HMBOX1: variants seen among roughly 807,000 people sequenced by gnomAD.
HMBOX1 encodes homeobox-containing protein 1.
HMBOX1 carries 14 observed loss-of-function variants against 54.5 expected under a neutral mutation model. That is an observed-to-expected ratio of 0.26 (90% CI 0.17 to 0.40). The LOEUF (loss-of-function observed/expected upper bound fraction) is 0.40, where lower values mean the gene tolerates loss of function less well. HMBOX1 is among the 10% of genes least tolerant of loss of function. The pLI is 1.00. For synonymous variants in HMBOX1, 160 were observed against 181.0 expected, an observed-to-expected ratio of 0.88 and a Z score of 0.93; for missense variants, 332 against 514.4, an observed-to-expected ratio of 0.65 and a Z score of 3.43.
At chr8:28,915,760 G>C (rs904416747) in intron 1 of HMBOX1, 1 of 151,816 alleles carries the variant, frequency 6.6e-6, no homozygotes, top group Non-Finnish European at 1.5e-5. Context: ...GGGGGCACCT[G>C]ATCAGCTTTA....
chr8:28,953,521 T>C (rs1363556248), intron 1 of HMBOX1, among the ~76,000 whole-genome samples: 1 of 152,198 alleles, frequency 6.6e-6, no homozygotes, highest in Non-Finnish European at 1.5e-5. Flanking sequence ...TGTAATTAAA[T>C]AGTCATTTTC....
chr8:28,932,920 A>T (rs1465202617), intron 1 of HMBOX1, among the ~76,000 whole-genome samples: 6 of 152,182 alleles, frequency 3.9e-5, no homozygotes, highest in Admixed American at 3.3e-4. Flanking sequence ...AATAAACTAG[A>T]TCATTTTCTT....
chr8:28,945,500 G>A (rs1822268758), intron 1 of HMBOX1, among the ~76,000 whole-genome samples: 1 of 152,210 alleles, frequency 6.6e-6, no homozygotes, highest in East Asian at 1.9e-4. Flanking sequence ...GAAAACCATT[G>A]CATTAGTATA....
Position 29,034,737 on chromosome 8 carries a change from A to T in HMBOX1, c.852-10624A>T, listed in dbSNP as rs994554416. ...CCAGGCATGGTGGTGCATGCCTGTAATCCCAGCTACTTGGGAGGCTGAGGC... is the reference window on the plus strand; with the variant it reads ...CCAGGCATGGTGGTGCATGCCTGTATTCCCAGCTACTTGGGAGGCTGAGGC... On this transcript the variant is annotated intron_variant, in intron 6 of 9. Transcript: ENST00000287701. Among the ~76,000 whole-genome samples, 3 of 152,140 alleles carry T rather than the reference A, an allele frequency of 2.0e-5. No individual in the cohort carries two copies. The East Asian group carries it at 5.8e-4, about 29-fold the overall frequency.
intron 1 of HMBOX1, among the ~76,000 whole-genome samples, chr8:28,913,213 T>C (rs1815808448): frequency 1.3e-5 from 2 of 152,208 alleles, no homozygotes; most frequent in African/African-American, 4.8e-5. Context: ...TCCTTAAGTC[T>C]TTTTAAACCC....
rs912738358 is a variant in HMBOX1 at position 29,049,121 on chromosome 8, G to T, written c.1125+73G>T. The stretch of plus-strand genomic sequence containing the variant: ...GTATAGTGGGACAGCTTAGTTCCTT[G>T]GGTGTGGCTGATGGGGTGGGGGAGG... On this transcript the variant is annotated intron_variant, in intron 9 of 9. Coordinates refer to ENST00000287701, the MANE Select transcript of HMBOX1 (RefSeq NM_001135726.3). 4 of 1,507,972 alleles carry T rather than the reference G, an allele frequency of 2.7e-6. No individual in the cohort carries two copies. In the East Asian group the frequency reaches 9.1e-5, roughly 34 times the overall value. 93.4% of individuals were successfully genotyped at this position (1,507,972 alleles called of 1,614,324 possible). A position where few individuals can be genotyped will look rare whatever the true frequency, so the allele number is the denominator to read the frequency against.
At chr8:28,992,221 T>G (rs906357007) in intron 4 of HMBOX1, among the ~76,000 whole-genome samples, 2 of 152,338 alleles carry the variant, frequency 1.3e-5, no homozygotes, top group Admixed American at 1.3e-4. Context: ...TAACCCTCAG[T>G]TTCTCCTCTT....
chr8:28,980,334 T>C (rs1272855949), intron 4 of HMBOX1, among the ~76,000 whole-genome samples, 178 bp downstream of exon 4: 1 of 152,206 alleles, frequency 6.6e-6, no homozygotes, highest in African/African-American at 2.4e-5. Flanking sequence ...TCTCTAGTGA[T>C]TTTTTTGACT....
chr8:28,952,248 A>G (rs1178688120), intron 1 of HMBOX1, among the ~76,000 whole-genome samples: 1 of 151,668 alleles, frequency 6.6e-6, no homozygotes, highest in Non-Finnish European at 1.5e-5. Context: ...ATTTAGTTGT[A>G]TTTTTGAGGC....
At chr8:29,001,458 G>A (rs1427506431) in intron 4 of HMBOX1, among the ~76,000 whole-genome samples, 1 of 152,160 alleles carries the variant, frequency 6.6e-6, no homozygotes, top group East Asian at 1.9e-4. Context: ...ACTGAGGCAG[G>A]AGAATTACTT....
chr8:29,014,160 A>G (rs1161012042), intron 5 of HMBOX1, among the ~76,000 whole-genome samples: 3 of 152,018 alleles, frequency 2.0e-5, no homozygotes, highest in Admixed American at 1.3e-4. Flanking sequence ...CCAAATTTTT[A>G]TATGTCTTAA....
Position 28,903,985 on chromosome 8 carries a change from A to G in HMBOX1, c.-58+13307A>G, listed in dbSNP as rs533064328. On this transcript the variant is annotated intron_variant, in intron 1 of 9. Coordinates refer to ENST00000287701, the MANE Select transcript of HMBOX1 (RefSeq NM_001135726.3). ...GATGCTGCCAAACATCCTTCAGTTT[A>G]CAGGCCAATATCTCCCGCTCCCAAC... Among the ~76,000 whole-genome samples the G allele has an allele frequency of 2.6e-5, 4 of 152,238 alleles. No individual in the cohort carries two copies. The East Asian group carries it at 7.7e-4, about 29-fold the overall frequency.
intron 1 of HMBOX1, among the ~76,000 whole-genome samples, chr8:28,914,911 AT>A (rs1394000293): frequency 2.0e-5 from 3 of 152,226 alleles, no homozygotes; most frequent in Non-Finnish European, 4.4e-5. Flanking sequence ...CGCAGAACAT[AT>A]TTTTATTTCT....
chr8:28,910,025 A>G, intron 1 of HMBOX1, among the ~76,000 whole-genome samples: 1 of 152,052 alleles, frequency 6.6e-6, no homozygotes, highest in Middle Eastern at 3.2e-3. Context: ...AAGAACCCTT[A>G]TGTTCTTTTA....
intron 1 of HMBOX1, among the ~76,000 whole-genome samples, chr8:28,956,271 A>G (rs1318322053): frequency 6.6e-6 from 1 of 150,984 alleles, no homozygotes; most frequent in Admixed American, 6.6e-5. Flanking sequence ...GATAACTTGG[A>G]TCTGCTCTTT....
At chr8:28,927,834 A>G (rs1393107483) in intron 1 of HMBOX1, among the ~76,000 whole-genome samples, 23 of 144,802 alleles carry the variant, frequency 1.6e-4, no homozygotes, top group Non-Finnish European at 2.7e-4. Flanking sequence ...TCAGTCTCAA[A>G]AAAAAAAAAA....
chr8:29,021,777 A>G (rs2133041938), intron 6 of HMBOX1, among the ~76,000 whole-genome samples: 1 of 150,124 alleles, frequency 6.7e-6, no homozygotes, highest in East Asian at 2.0e-4. Context: ...GGAGAATGGC[A>G]TGAACCCAGG....
intron 6 of HMBOX1, among the ~76,000 whole-genome samples, chr8:29,033,874 T>C (rs571374129): frequency 6.6e-6 from 1 of 152,296 alleles, no homozygotes; most frequent in South Asian, 2.1e-4. Context: ...CTAGGCATCA[T>C]ATTATAAACA....
intron 1 of HMBOX1, among the ~76,000 whole-genome samples, chr8:28,937,055 A>G (rs139875570): frequency 6.6e-6 from 1 of 152,158 alleles, no homozygotes; most frequent in Non-Finnish European, 1.5e-5. Context: ...TATATTTTTC[A>G]GTTGTCAGTG....
Sources: allele counts gnomAD v4.1 joint callset (sites outside exome capture counted in the v4.1 genomes callset), GRCh38; gene constraint gnomAD v4.1.1; transcripts MANE v1.5; gene names NCBI Gene and HGNC (gene_info 2026-07-23, HGNC 2026-07-21).